The following PTPRS variants were observed in gnomAD, a reference collection of about 807,000 sequenced individuals.
The protein encoded by PTPRS is receptor-type tyrosine-protein phosphatase S.
PTPRS carries 63 observed loss-of-function variants against 215.3 expected under a neutral mutation model. That is an observed-to-expected ratio of 0.29 (90% CI 0.24 to 0.36). The LOEUF is 0.36. PTPRS is among the 10% of genes least tolerant of loss of function. The pLI is 1.00. For synonymous variants in PTPRS, 1,404 were observed against 1,191.4 expected (o/e 1.18, Z -3.68); for missense variants, 2,258 against 2,825.8 (o/e 0.80, Z 4.56).
rs990505629 is a variant in PTPRS, at chr19:5,205,536, G to T, written c.*1238C>A. Among the ~76,000 whole-genome samples, 1 of 152,198 alleles carries T rather than the reference G, an allele frequency of 6.6e-6. No homozygotes were observed. On this transcript the variant is annotated 3_prime_UTR_variant, in exon 38 of 38. Transcript: ENST00000262963. ...GACGATCTTCCTTTAATACAAAGTC[G>T]ATATATCTACATACACGGGGGTGGG...
Position 5,324,248 on chromosome 19 carries a change from A to AAAAG in PTPRS, c.-95+16412_-95+16415dup, listed in dbSNP as rs1244314818. Among the ~76,000 whole-genome samples the AAAAG allele has an allele frequency of 4.1e-3, 582 of 142,624 alleles. 7 individuals carry two copies. Among genetic ancestry groups the AAAAG allele is most frequent in the Middle Eastern group, 7.2e-3 (2 of 278 alleles). The allele number at this position is 142,624 out of a possible 152,430, so 93.6% of individuals were successfully genotyped here. A position where few individuals can be genotyped will look rare whatever the true frequency, so the allele number is the denominator to read the frequency against. On this transcript the variant is annotated intron_variant, in intron 1 of 37. Transcript: ENST00000262963. ...CCTCAAAAAAAAAAAAAAAAAAAAA[A>AAAAG]AAAGAAAGAAAAAAAGGGAAAGCAA...
chr19:5,310,923 T>C (rs1261689754), intron 1 of PTPRS, among the ~76,000 whole-genome samples: 1 of 151,938 alleles, frequency 6.6e-6, no homozygotes, highest in Non-Finnish European at 1.5e-5. Flanking sequence ...TCTCACTTTG[T>C]CTCCAGACTG....
chr19:5,301,737 C>G (rs570271542), intron 1 of PTPRS, among the ~76,000 whole-genome samples: 13 of 152,040 alleles, frequency 8.6e-5, no homozygotes, highest in Admixed American at 5.2e-4. Context: ...CAGTCTCCCC[C>G]CAATCCTCCC....
At chr19:5,301,211 G>A (rs554835277) in intron 1 of PTPRS, among the ~76,000 whole-genome samples, 33 of 152,172 alleles carry the variant, frequency 2.2e-4, no homozygotes, top group Non-Finnish European at 4.3e-4. Flanking sequence ...GAGGACGGGG[G>A]AGGGACAGAA....
At chr19:5,279,999 C>G (rs1260701299) in intron 2 of PTPRS, among the ~76,000 whole-genome samples, 1 of 152,258 alleles carries the variant, frequency 6.6e-6, no homozygotes, top group East Asian at 1.9e-4. Context: ...TATTTTAAAA[C>G]ATAAAATTGC....
chr19:5,229,211 G>A, intron 16 of PTPRS, 105 bp downstream of exon 16: 1 of 1,219,502 alleles, frequency 8.2e-7, no homozygotes, highest in Non-Finnish European at 1.1e-6. Flanking sequence ...GCCCAGAGGA[G>A]GAGACCGTTT....
At chr19:5,312,901 C>A (rs2049752936) in intron 1 of PTPRS, among the ~76,000 whole-genome samples, 1 of 152,078 alleles carries the variant, frequency 6.6e-6, no homozygotes, top group Admixed American at 6.6e-5. Context: ...CTGCTGAGCC[C>A]CAAAACCTGG....
chr19:5,206,084 A>T lies in PTPRS; in HGVS notation c.*690T>A, dbSNP rs905563764. 1.3e-4 allele frequency among the ~76,000 whole-genome samples: 19 copies of T among 145,682 alleles called. No homozygotes were observed. The highest frequency in any genetic ancestry group is 2.3e-4 in the Non-Finnish European group (15 of 66,012). On this transcript the variant is annotated 3_prime_UTR_variant, in exon 38 of 38. Transcript: ENST00000262963. Reference sequence around the variant, plus strand: ...TTAAAAAAAAAAAAAAAAAAAAAAAAGCCAAGGTACAGCCATGGGCCTGGC... The same window carrying T: ...TTAAAAAAAAAAAAAAAAAAAAAAATGCCAAGGTACAGCCATGGGCCTGGC...
At position 5,229,330 on chromosome 19, in the gene PTPRS, C is replaced by G. The variant is rs1390648362; in HGVS notation, c.2362G>C (p.Asp788His). ...GCGCTACTTACATATTCGGCCGTGT[C>G]ATCCGTCTCCCACTGAGCGCGGGAG... ...MLADAQWETDDTAEYEMVITN... is the reference protein window; with the variant it reads ...MLADAQWETDHTAEYEMVITN... The change falls in exon 16 of 38, where the codon GAC becomes CAC. Residue 788 changes from aspartate (D) to histidine (H), a missense_variant. Asp to His is a moderately conservative substitution (Grantham distance 81). Around this residue, in one of 6 missense-constraint regions of PTPRS, gnomAD observed 371 missense variants for 446.7 expected, o/e 0.83. Transcript: ENST00000262963. 1 of 1,379,604 alleles carries G rather than the reference C, an allele frequency of 7.2e-7. No homozygotes were observed. The highest frequency in any genetic ancestry group is 9.4e-7 in the Non-Finnish European group (1 of 1,061,606). The allele number at this position is 1,379,604 out of a possible 1,614,324, so 85.5% of individuals were successfully genotyped here.
chr19:5,250,819 C>T (rs973432059), intron 9 of PTPRS, among the ~76,000 whole-genome samples: 4 of 149,684 alleles, frequency 2.7e-5, no homozygotes, highest in African/African-American at 2.5e-5. Flanking sequence ...GGAGTGGGGG[C>T]GAGGGTAAAG....
chr19:5,306,117 T>C (rs1271168605), intron 1 of PTPRS, among the ~76,000 whole-genome samples: 1 of 151,430 alleles, frequency 6.6e-6, no homozygotes, highest in African/African-American at 2.4e-5. Flanking sequence ...CATGAAGTTA[T>C]TGATCAAAGG....
At chr19:5,216,844 T>C in intron 25 of PTPRS, 77 bp from the exon 26 acceptor site, 2 of 965,798 alleles carry the variant, frequency 2.1e-6, no homozygotes. Flanking sequence ...CCCCCACCCC[T>C]CACTGGCTGG....
chr19:5,309,684 C>A (rs1006955966), intron 1 of PTPRS, among the ~76,000 whole-genome samples: 3 of 152,158 alleles, frequency 2.0e-5, no homozygotes, highest in Non-Finnish European at 4.4e-5. Flanking sequence ...AGGACAGAGG[C>A]CTGGGAGTCG....
intron 1 of PTPRS, among the ~76,000 whole-genome samples, chr19:5,292,531 G>A (rs1386005968): frequency 1.3e-5 from 2 of 152,182 alleles, no homozygotes; most frequent in Non-Finnish European, 2.9e-5. Flanking sequence ...GAGCTGCCCT[G>A]ACCGTCTCAG....
At chr19:5,216,177 T>TG (rs761482508) in intron 26 of PTPRS, among the ~76,000 whole-genome samples, 1 of 152,004 alleles carries the variant, frequency 6.6e-6, no homozygotes, top group Non-Finnish European at 1.5e-5. Context: ...TGCGCTTGCT[T>TG]GGGGCAGGAG....
At chr19:5,265,674 G>A (rs1249416878) in intron 4 of PTPRS, among the ~76,000 whole-genome samples, 1 of 151,954 alleles carries the variant, frequency 6.6e-6, no homozygotes, top group Non-Finnish European at 1.5e-5. Flanking sequence ...GGAGGCTGGT[G>A]TCAGGGAGCT....
intron 1 of PTPRS, among the ~76,000 whole-genome samples, chr19:5,335,660 A>G (rs1315460721): frequency 6.6e-6 from 1 of 152,228 alleles, no homozygotes; most frequent in Non-Finnish European, 1.5e-5. Flanking sequence ...CCCAGATAAC[A>G]TAAAGAGTAC....
chr19:5,253,912 G>A (rs1368716776), intron 9 of PTPRS, among the ~76,000 whole-genome samples: 1 of 152,302 alleles, frequency 6.6e-6, no homozygotes, highest in African/African-American at 2.4e-5. Context: ...CTGTGATCAA[G>A]GTTCATTTAT....
At chr19:5,337,253 T>C (rs2050534311) in intron 1 of PTPRS, among the ~76,000 whole-genome samples, 1 of 152,292 alleles carries the variant, frequency 6.6e-6, no homozygotes, top group Non-Finnish European at 1.5e-5. Context: ...TTTAGGGTTT[T>C]CCCTCCCGCT....
Sources: gnomAD v4.1 joint callset for allele counts (sites outside exome capture counted in the v4.1 genomes callset) on GRCh38, gnomAD v4.1.1 for gene constraint, gnomAD v4.1.1 regional missense constraint, MANE v1.5 for transcripts, NCBI Gene and HGNC (gene_info 2026-07-23, HGNC 2026-07-21) for gene names.